WDR59: variants seen among roughly 807,000 people sequenced by gnomAD.
The protein encoded by WDR59 is WD repeat domain 59.
WDR59 carries 100 observed loss-of-function variants against 131.2 expected under a neutral mutation model. That is an observed-to-expected ratio of 0.76 (90% CI 0.65 to 0.90). The LOEUF is 0.90. Ranked by LOEUF, WDR59 falls within the 40% of genes least tolerant of loss-of-function variation. The pLI is 0.00. For missense variants in WDR59, 1,203 were observed against 1,262.2 expected (o/e 0.95, Z 0.71); for synonymous variants, 601 against 466.2 (o/e 1.29, Z -3.72).
At chr16:74,880,729 G>A (rs990476474) in intron 25 of WDR59, among the ~76,000 whole-genome samples, 13 of 152,152 alleles carry the variant, frequency 8.5e-5, no homozygotes, top group African/African-American at 2.9e-4. Context: ...GGGTCCTAAC[G>A]GACAAACTAA....
rs567994050 is a variant in WDR59, at chr16:74,913,267, CTT to C, written c.1225-907_1225-906del. Among the ~76,000 whole-genome samples, 73 of 141,922 alleles carry C rather than the reference CTT, an allele frequency of 5.1e-4. 1 individual carries two copies. The highest frequency in any genetic ancestry group is 1.1e-3 in the South Asian group (5 of 4,456). 93.1% of individuals were successfully genotyped at this position (141,922 alleles called of 152,430 possible). ...GGGCCTGTTCCCAACACAAAGTATT[CTT>C]TTTTTTTTTTTTTGAGACAGGGTCT... On this transcript the variant is annotated intron_variant, in intron 13 of 25. Coordinates refer to ENST00000262144, the MANE Select transcript of WDR59 (RefSeq NM_030581.4).
intron 8 of WDR59, among the ~76,000 whole-genome samples, chr16:74,931,991 T>C (rs2031431874): frequency 6.6e-6 from 1 of 151,954 alleles, no homozygotes; most frequent in Non-Finnish European, 1.5e-5. Flanking sequence ...CAACTTAAAT[T>C]ATAATTTCAA....
At position 74,873,357 on chromosome 16, in the gene WDR59, C is replaced by G. The variant is rs1964050611; in HGVS notation, c.*852G>C. ...ATGGGGCCTGGCCAGGGAGACTTTT[C>G]TATCCATGCTGCACGGCAATCTTGT... On this transcript the variant is annotated 3_prime_UTR_variant, in exon 26 of 26. Coordinates refer to ENST00000262144, the MANE Select transcript of WDR59 (RefSeq NM_030581.4). 1 of 152,210 alleles carries G rather than the reference C, an allele frequency of 6.6e-6. No homozygotes were observed. Among genetic ancestry groups the G allele is most frequent in the Non-Finnish European group, 1.5e-5 (1 of 68,054 alleles). 9.4% of individuals were successfully genotyped at this position (152,210 alleles called of 1,614,324 possible).
At chr16:74,922,267 G>A (rs535826284) in intron 9 of WDR59, among the ~76,000 whole-genome samples, 164 bp from the exon 10 acceptor site, 3 of 152,136 alleles carry the variant, frequency 2.0e-5, no homozygotes, top group Non-Finnish European at 4.4e-5. Flanking sequence ...GCTGCACATC[G>A]CGTCTACTTT....
chr16:74,962,830 C>A (rs992851718), intron 2 of WDR59: 12 of 151,100 alleles, frequency 7.9e-5, no homozygotes, highest in Admixed American at 2.6e-4. Flanking sequence ...GCCTGATTGC[C>A]CTGGCCAGAA....
intron 4 of WDR59, chr16:74,950,079 C>A (rs745637066): frequency 1.4e-5 from 6 of 435,044 alleles, no homozygotes; most frequent in African/African-American, 1.0e-4. Flanking sequence ...CAGCGGCTCA[C>A]GACTGTAATC....
chr16:74,954,463 C>G (rs2033179066), intron 3 of WDR59, among the ~76,000 whole-genome samples: 1 of 152,142 alleles, frequency 6.6e-6, no homozygotes, highest in Non-Finnish European at 1.5e-5. Context: ...TTCACACCCA[C>G]TAGGATGGCT....
chr16:74,874,113 C>T lies in WDR59; in HGVS notation c.*96G>A, dbSNP rs551375963. The T allele has an allele frequency of 1.8e-5, 20 of 1,082,642 alleles. No homozygotes were observed. Among genetic ancestry groups the T allele is most frequent in the African/African-American group, 3.1e-5 (2 of 64,208 alleles). 67.1% of individuals were successfully genotyped at this position (1,082,642 alleles called of 1,614,324 possible). A position where few individuals can be genotyped will look rare whatever the true frequency, so the allele number is the denominator to read the frequency against. On this transcript the variant is annotated 3_prime_UTR_variant, in exon 26 of 26. Transcript: ENST00000262144. The stretch of plus-strand genomic sequence containing the variant: ...GATCATCCTCCGGTCTCACTGGGGA[C>T]GAACCCAGGTTCTGGAGCCTCTCCC...
At chr16:74,981,088 G>A (rs1214190989) in intron 1 of WDR59, among the ~76,000 whole-genome samples, 3 of 151,436 alleles carry the variant, frequency 2.0e-5, no homozygotes, top group Admixed American at 1.3e-4. Flanking sequence ...CAAAAAGGCC[G>A]GGTGCGGTGG....
At chr16:74,942,644 G>A in intron 7 of WDR59, 94 bp downstream of exon 7, 4 of 1,243,584 alleles carry the variant, frequency 3.2e-6, no homozygotes, top group Non-Finnish European at 4.7e-6. Flanking sequence ...GGGTTCCCCA[G>A]ACTCTCAAGC....
At chr16:74,917,322 G>C (rs1158028547) in intron 11 of WDR59, among the ~76,000 whole-genome samples, 1 of 152,184 alleles carries the variant, frequency 6.6e-6, no homozygotes, top group African/African-American at 2.4e-5. Context: ...AGCCCATTTA[G>C]AAGAGAAAGA....
At chr16:74,892,596 C>A (rs765808696) in intron 19 of WDR59, 31 bp from the exon 20 acceptor site, 47 of 1,570,392 alleles carry the variant, frequency 3.0e-5, no homozygotes, top group Middle Eastern at 1.7e-4. Flanking sequence ...TTAAACATTT[C>A]TTTCTAGTGT....
chr16:74,915,036 A>T (rs1157689884), intron 13 of WDR59, among the ~76,000 whole-genome samples: 1 of 152,232 alleles, frequency 6.6e-6, no homozygotes, highest in Admixed American at 6.5e-5. Context: ...GCCCCCAAAA[A>T]AGTAACTGTT....
rs761528695 is a variant in WDR59, at chr16:74,922,089, T to G, written c.744A>C (p.Gly248=). Residue 248 remains glycine, a synonymous_variant, in exon 10 of 26, where the codon GGA becomes GGC. Transcript: ENST00000262144. ...WKARYTPFSN[G]LVTVMVPQLR... ...GCTGGGGAACCATCACAGTCACCAA[T>G]CCATTGCTGAAAGGCTAAGGCAGGG... 5 of 1,614,042 alleles carry G rather than the reference T, an allele frequency of 3.1e-6. No homozygotes were observed. In the South Asian group the frequency reaches 5.5e-5, roughly 18 times the overall value.
At chr16:74,983,659 T>A (rs767171616) in intron 1 of WDR59, among the ~76,000 whole-genome samples, 2 of 151,910 alleles carry the variant, frequency 1.3e-5, no homozygotes, top group Non-Finnish European at 2.9e-5. Flanking sequence ...GTGCCACACA[T>A]CCTCAACATA....
chr16:74,920,233 A>G (rs1375464749), intron 10 of WDR59, among the ~76,000 whole-genome samples: 2 of 152,168 alleles, frequency 1.3e-5, no homozygotes, highest in African/African-American at 4.8e-5. Context: ...CAATTTTAAC[A>G]TAATGCACAG....
intron 17 of WDR59, among the ~76,000 whole-genome samples, chr16:74,908,071 C>T (rs906521872): frequency 6.6e-6 from 1 of 152,136 alleles, no homozygotes; most frequent in African/African-American, 2.4e-5. Context: ...TGTTGTTAAA[C>T]ATGATTCTCT....
intron 2 of WDR59, among the ~76,000 whole-genome samples, chr16:74,957,690 A>G (rs2033359454): frequency 6.6e-6 from 1 of 152,192 alleles, no homozygotes; most frequent in African/African-American, 2.4e-5. Flanking sequence ...TTTAAGTAAA[A>G]TACCCTTGGT....
chr16:74,903,090 G>A (rs891802426), intron 18 of WDR59, among the ~76,000 whole-genome samples: 3 of 152,150 alleles, frequency 2.0e-5, no homozygotes, highest in Non-Finnish European at 2.9e-5. Flanking sequence ...TACTGCAATC[G>A]AACTGAAGGA....
Sources: allele counts gnomAD v4.1 joint callset (sites outside exome capture counted in the v4.1 genomes callset), GRCh38; gene constraint gnomAD v4.1.1; transcripts MANE v1.5; gene names NCBI Gene and HGNC (gene_info 2026-07-23, HGNC 2026-07-21).